OSBPL10: variants seen among roughly 807,000 people sequenced by gnomAD.
OSBPL10 encodes the protein oxysterol-binding protein-related protein 10.
OSBPL10 carries 49 observed loss-of-function variants against 81.7 expected under a neutral mutation model. That is an observed-to-expected ratio of 0.60 (90% confidence interval 0.48 to 0.76). The LOEUF is 0.76. Among genes scored for constraint, OSBPL10 ranks in the 30% least tolerant of loss-of-function variants. The probability of loss-of-function intolerance (pLI) is 0.00; values close to 1 mark genes in which losing one functional copy is unlikely to be tolerated. For missense variants in OSBPL10, 923 were observed against 987.8 expected (o/e 0.93, Z 0.88); for synonymous variants, 419 against 383.6 (o/e 1.09, Z -1.08).
chr3:31,821,529 C>T lies in OSBPL10; in HGVS notation c.729+8511G>A, dbSNP rs145204975. 1.5e-3 allele frequency among the ~76,000 whole-genome samples: 228 copies of T among 152,288 alleles called. 2 individuals are homozygous for T. The highest frequency in any genetic ancestry group is 5.3e-3 in the African/African-American group (222 of 41,554). On this transcript the variant is annotated intron_variant, in intron 4 of 11. Transcript: ENST00000396556. ...ATCTAATATTTTTACTCACAAACAA[C>T]CCACTCTATTGCTTTAAAAACATTT...
chr3:31,870,171 T>A (rs1287777773), intron 3 of OSBPL10, among the ~76,000 whole-genome samples: 1 of 152,210 alleles, frequency 6.6e-6, no homozygotes, highest in African/African-American at 2.4e-5. Context: ...GCGGGCCAGC[T>A]GGAGTTCCAG....
Position 31,670,777 on chromosome 3 carries a change from T to A in OSBPL10, c.1913+20A>T, listed in dbSNP as rs748671402. 8 of 1,600,278 alleles carry A rather than the reference T, an allele frequency of 5.0e-6. No homozygotes were observed. The Admixed American group carries it at 1.0e-4, about 20-fold the overall frequency. On this transcript the variant is annotated intron_variant, in intron 9 of 11. Transcript: ENST00000396556. ...GCATCTTGTTAAGACAAAGCCAGAGTCTCTCCGGCCAGCTCCTACCTGTGG... is the reference window on the plus strand; with the variant it reads ...GCATCTTGTTAAGACAAAGCCAGAGACTCTCCGGCCAGCTCCTACCTGTGG...
intron 4 of OSBPL10, among the ~76,000 whole-genome samples, chr3:31,785,636 G>T (rs4955199): frequency 0.019 from 2,853 of 151,554 alleles, 73 homozygotes; most frequent in African/African-American, 0.063. Flanking sequence ...TCTCTGAGCC[G>T]TTTTTTTTTC....
chr3:31,783,961 A>G (rs910900642), intron 4 of OSBPL10, among the ~76,000 whole-genome samples: 2 of 150,478 alleles, frequency 1.3e-5, no homozygotes. Context: ...CCATTTTTAA[A>G]AACATTCTTC....
In OSBPL10 at chr3:32,042,481, C is replaced by T. The variant is rs971030255; in HGVS notation, n.298+4010G>A. 5.3e-5 allele frequency among the ~76,000 whole-genome samples: 8 copies of T among 152,176 alleles called. No homozygotes were observed. The East Asian group carries it at 1.5e-3, about 29-fold the overall frequency. The stretch of plus-strand genomic sequence containing the variant: ...TCATCCCCTTTTTGAAACCCACCTT[C>T]AGTTCCATGGTCAGAATGGATCCCT... On this transcript the variant is annotated intron_variant and non_coding_transcript_variant, in intron 2 of 3. Coordinates refer to the OSBPL10 transcript ENST00000479173.
chr3:31,931,182 T>C (rs1487104838), intron 1 of OSBPL10, among the ~76,000 whole-genome samples: 4 of 152,072 alleles, frequency 2.6e-5, no homozygotes, highest in Non-Finnish European at 5.9e-5. Context: ...AAACAATTCA[T>C]GGCATTCTCT....
intron 4 of OSBPL10, among the ~76,000 whole-genome samples, chr3:31,753,901 A>G (rs570380824): frequency 2.0e-5 from 3 of 152,266 alleles, no homozygotes; most frequent in African/African-American, 4.8e-5. Flanking sequence ...TCTTCCTCAC[A>G]GTGGCAAACA....
intron 1 of OSBPL10, among the ~76,000 whole-genome samples, chr3:32,073,436 C>T (rs1045673027): frequency 3.3e-5 from 5 of 152,164 alleles, no homozygotes; most frequent in Non-Finnish European, 7.3e-5. Flanking sequence ...AGGACCCTCC[C>T]CATTGGGTTC....
chr3:31,868,626 C>T (rs1387622726), intron 3 of OSBPL10, among the ~76,000 whole-genome samples: 1 of 152,098 alleles, frequency 6.6e-6, no homozygotes, highest in Non-Finnish European at 1.5e-5. Context: ...AATGAATCCA[C>T]TTTCCATGTC....
chr3:31,741,302 G>A (rs1316642106), intron 5 of OSBPL10, among the ~76,000 whole-genome samples: 1 of 152,218 alleles, frequency 6.6e-6, no homozygotes, highest in Non-Finnish European at 1.5e-5. Flanking sequence ...GTCTCGCTCT[G>A]TCACTAGGCT....
intron 1 of OSBPL10, among the ~76,000 whole-genome samples, chr3:31,882,080 C>T (rs530399521): frequency 6.6e-6 from 1 of 152,330 alleles, no homozygotes; most frequent in South Asian, 2.1e-4. Context: ...GATAATGAAG[C>T]TGAAAGCTCC....
At chr3:31,688,784 C>G (rs543834756) in intron 7 of OSBPL10, among the ~76,000 whole-genome samples, 49 of 152,294 alleles carry the variant, frequency 3.2e-4, no homozygotes, top group African/African-American at 1.0e-3. Flanking sequence ...TACACAGAAT[C>G]TAGCTTATTT....
At chr3:31,933,256 A>G (rs528115064) in intron 1 of OSBPL10, among the ~76,000 whole-genome samples, 61 of 152,286 alleles carry the variant, frequency 4.0e-4, no homozygotes, top group Non-Finnish European at 7.6e-4. Flanking sequence ...TGGCTCAGTA[A>G]TGAGGCCTTC....
At chr3:32,051,646 G>A (rs1206640651) in intron 1 of OSBPL10, among the ~76,000 whole-genome samples, 1 of 152,130 alleles carries the variant, frequency 6.6e-6, no homozygotes, top group Non-Finnish European at 1.5e-5. Context: ...AGCCATGCCT[G>A]CTTACTAGGT....
chr3:32,009,447 T>G (rs1378287784), intron 2 of OSBPL10, among the ~76,000 whole-genome samples: 1 of 152,112 alleles, frequency 6.6e-6, no homozygotes, highest in African/African-American at 2.4e-5. Flanking sequence ...AACTCTCAGG[T>G]GTCCTTATCT....
chr3:31,961,886 G>C (rs1698174187), intron 1 of OSBPL10, among the ~76,000 whole-genome samples: 1 of 149,414 alleles, frequency 6.7e-6, no homozygotes, highest in Admixed American at 6.7e-5. Flanking sequence ...CTCTAATTTT[G>C]GCATCACCAG....
At chr3:32,012,130 A>G (rs1305550606) in intron 2 of OSBPL10, among the ~76,000 whole-genome samples, 1 of 152,236 alleles carries the variant, frequency 6.6e-6, no homozygotes, top group Non-Finnish European at 1.5e-5. Flanking sequence ...CAACTCCAAG[A>G]CACATAATTG....
chr3:32,043,653 C>T (rs1699595830), intron 2 of OSBPL10, among the ~76,000 whole-genome samples: 1 of 152,218 alleles, frequency 6.6e-6, no homozygotes, highest in African/African-American at 2.4e-5. Context: ...TCACTCCTTT[C>T]TCCTAAGGCC....
At chr3:31,949,262 C>G (rs776443930) in intron 1 of OSBPL10, among the ~76,000 whole-genome samples, 10 of 152,180 alleles carry the variant, frequency 6.6e-5, no homozygotes, top group Non-Finnish European at 1.5e-4. Context: ...AAAATAGCAA[C>G]AGCTAACCTT....
Sources: gnomAD v4.1 joint callset for allele counts (sites outside exome capture counted in the v4.1 genomes callset) on GRCh38, gnomAD v4.1.1 for gene constraint, MANE v1.5 for transcripts, NCBI Gene and HGNC (gene_info 2026-07-23, HGNC 2026-07-21) for gene names.